Variants in PTPRD observed in about 807,000 individuals in gnomAD.
The protein encoded by PTPRD is protein tyrosine phosphatase receptor type D, also known as receptor-type tyrosine-protein phosphatase delta.
In PTPRD, 34 loss-of-function variants were observed where a neutral mutation model predicts 214.5. The ratio of observed to expected loss-of-function variants is 0.16; its 90% CI spans 0.12 to 0.21. PTPRD has a LOEUF of 0.21. PTPRD is among the 10% of genes least tolerant of loss of function. PTPRD has a pLI of 1.00. For synonymous variants in PTPRD, 1,128 were observed against 845.7 expected, an observed-to-expected ratio of 1.33 and a Z score of -5.79; for missense variants, 2,545 against 2,398.7, an observed-to-expected ratio of 1.06 and a Z score of -1.27.
chr9:9,041,204 T>C (rs1365910549), intron 10 of PTPRD, among the ~76,000 whole-genome samples: 1 of 152,180 alleles, frequency 6.6e-6, no homozygotes, highest in African/African-American at 2.4e-5. Context: ...TCATAAAGAC[T>C]TCCCTTTTTC....
intron 10 of PTPRD, chr9:9,090,814 C>T (rs145846086): frequency 4.3e-5 from 31 of 717,138 alleles, no homozygotes; most frequent in Middle Eastern, 6.5e-4. Context: ...CTCTTAATGA[C>T]ATCTCAATGA....
chr9:8,964,075 T>C (rs977426805), intron 11 of PTPRD, among the ~76,000 whole-genome samples: 1 of 151,868 alleles, frequency 6.6e-6, no homozygotes, highest in Admixed American at 6.6e-5. Flanking sequence ...GAATGAGTCA[T>C]AGAGGAGTCC....
intron 7 of PTPRD, among the ~76,000 whole-genome samples, chr9:9,653,202 C>T (rs1259945745): frequency 2.0e-5 from 3 of 148,758 alleles, no homozygotes; most frequent in South Asian, 2.1e-4. Context: ...ATTAGCCGGG[C>T]GCGGTGGCGG....
chr9:10,448,877 C>A (rs2098817350), intron 2 of PTPRD, among the ~76,000 whole-genome samples: 1 of 151,996 alleles, frequency 6.6e-6, no homozygotes, highest in South Asian at 2.1e-4. Context: ...TTATCTCTTA[C>A]TAATATTTCA....
chr9:8,993,673 T>G (rs1386416664), intron 11 of PTPRD, among the ~76,000 whole-genome samples: 1 of 152,198 alleles, frequency 6.6e-6, no homozygotes, highest in Non-Finnish European at 1.5e-5. Flanking sequence ...TTAGAATTTT[T>G]GAGTTCAGTT....
chr9:8,553,020 G>C (rs998022200), intron 14 of PTPRD, among the ~76,000 whole-genome samples: 1 of 152,138 alleles, frequency 6.6e-6, no homozygotes, highest in Non-Finnish European at 1.5e-5. Context: ...GAGAGAGACA[G>C]TATAAATCAC....
intron 5 of PTPRD, among the ~76,000 whole-genome samples, chr9:9,885,979 C>T (rs990655692): frequency 2.7e-5 from 4 of 147,128 alleles, no homozygotes; most frequent in South Asian, 4.2e-4. Flanking sequence ...CAAAACCCCA[C>T]ATATTAAAAA....
chr9:10,587,451 G>A (rs1405616038), intron 2 of PTPRD, among the ~76,000 whole-genome samples: 1 of 151,992 alleles, frequency 6.6e-6, no homozygotes, highest in Admixed American at 6.6e-5. Flanking sequence ...TATCATAAGA[G>A]TGAAAATTAA....
At chr9:8,679,926 A>G (rs1401530364) in intron 12 of PTPRD, among the ~76,000 whole-genome samples, 1 of 152,206 alleles carries the variant, frequency 6.6e-6, no homozygotes, top group Non-Finnish European at 1.5e-5. Context: ...AATATCTTAT[A>G]TTTCACACTG....
At chr9:8,929,749 ATATATATG>A (rs1387326262) in intron 11 of PTPRD, among the ~76,000 whole-genome samples, 1 of 84,112 alleles carries the variant, frequency 1.2e-5, no homozygotes, top group South Asian at 4.4e-4. Flanking sequence ...ATATGTGTAT[ATATATATG>A]TATATATATG....
intron 7 of PTPRD, among the ~76,000 whole-genome samples, chr9:9,609,102 G>A (rs571759890): frequency 6.6e-6 from 1 of 151,970 alleles, no homozygotes; most frequent in African/African-American, 2.4e-5. Flanking sequence ...GAAGAAATTG[G>A]ACTTACAATT....
chr9:10,521,586 A>G (rs901160543), intron 2 of PTPRD, among the ~76,000 whole-genome samples: 1 of 152,166 alleles, frequency 6.6e-6, no homozygotes, highest in Non-Finnish European at 1.5e-5. Context: ...CTGCAGAGAA[A>G]TCCTTCGTGA....
At chr9:10,075,245 G>A (rs930245111) in intron 3 of PTPRD, among the ~76,000 whole-genome samples, 5 of 151,974 alleles carry the variant, frequency 3.3e-5, no homozygotes, top group Middle Eastern at 3.4e-3. Flanking sequence ...GAGACCCCCC[G>A]AAGGTGCATA....
intron 4 of PTPRD, among the ~76,000 whole-genome samples, chr9:10,000,130 T>C (rs1185189878): frequency 2.0e-5 from 3 of 152,206 alleles, no homozygotes; most frequent in African/African-American, 4.8e-5. Flanking sequence ...TATTCTCCAA[T>C]GGCAAGTCAA....
intron 3 of PTPRD, among the ~76,000 whole-genome samples, chr9:10,328,066 G>T (rs539438973): frequency 1.2e-3 from 187 of 151,272 alleles, no homozygotes; most frequent in African/African-American, 4.4e-3. Context: ...CATCTTTAAA[G>T]CAAAACAACA....
At chr9:8,760,486 C>T (rs1332831316) in intron 11 of PTPRD, among the ~76,000 whole-genome samples, 1 of 151,790 alleles carries the variant, frequency 6.6e-6, no homozygotes, top group Non-Finnish European at 1.5e-5. Context: ...TATTAATATC[C>T]CCACCTACTC....
intron 5 of PTPRD, among the ~76,000 whole-genome samples, chr9:9,864,320 G>T (rs964999526): frequency 2.0e-5 from 3 of 147,184 alleles, no homozygotes; most frequent in African/African-American, 7.8e-5. Flanking sequence ...AAAAGAAAAA[G>T]AGAAAGATTA....
At chr9:9,788,146 T>C (rs1013030628) in intron 5 of PTPRD, among the ~76,000 whole-genome samples, 1 of 151,918 alleles carries the variant, frequency 6.6e-6, no homozygotes, top group Non-Finnish European at 1.5e-5. Flanking sequence ...AAGTTATAAT[T>C]TTTCTAAAAA....
intron 10 of PTPRD, among the ~76,000 whole-genome samples, chr9:9,107,189 C>G (rs1228270340): frequency 6.6e-6 from 1 of 151,938 alleles, no homozygotes. Flanking sequence ...TGGCCTGTAT[C>G]TTTTAGAAGG....
Sources: gnomAD v4.1 joint callset for allele counts (sites outside exome capture counted in the v4.1 genomes callset) on GRCh38, gnomAD v4.1.1 for gene constraint, MANE v1.5 for transcripts, NCBI Gene and HGNC (gene_info 2026-07-23, HGNC 2026-07-21) for gene names.